Variants in WNT9A observed in about 807,000 individuals in gnomAD.
The protein encoded by WNT9A is Wnt family member 9A, also known as protein Wnt-9a.
Under a neutral mutation model 31.4 loss-of-function variants are expected in WNT9A, and 8 were observed. The observed-to-expected ratio is 0.26, with a 90% CI of 0.15 to 0.46. The LOEUF is 0.46. Among genes scored for constraint, WNT9A ranks in the 20% least tolerant of loss-of-function variants. The probability of loss-of-function intolerance (pLI) is 0.99; values close to 1 mark genes in which losing one functional copy is unlikely to be tolerated. For missense variants in WNT9A, 457 were observed against 522.9 expected (o/e 0.87, Z 1.23); for synonymous variants, 236 against 220.1 (o/e 1.07, Z -0.64).
At position 227,947,817 on chromosome 1, in the gene WNT9A, A is replaced by G. The variant is rs2102734600; in HGVS notation, c.71T>C (p.Leu24Pro). Reference sequence around the variant, plus strand: ...CCCGAAGTAGGCGGCCGAAGGGCGCAGCGCGGCGAGCAGCAGCGTCAGCCC... The same window carrying G: ...CCCGAAGTAGGCGGCCGAAGGGCGCGGCGCGGCGAGCAGCAGCGTCAGCCC... ...AFGLTLLLAA[L>P]RPSAAYFGLT... Residue 24 changes from leucine to proline, a missense_variant, in exon 1 of 4, where the codon CTG (leucine) becomes CCG (proline). Physicochemically the swap from Leu to Pro is moderately conservative, Grantham distance 98. Transcript: ENST00000272164. The G allele has an allele frequency of 9.2e-7, 1 of 1,087,092 alleles. No individual in the cohort carries two copies. 67.3% of individuals were successfully genotyped at this position (1,087,092 alleles called of 1,614,324 possible). A position where few individuals can be genotyped will look rare whatever the true frequency, so the allele number is the denominator to read the frequency against.
intron 3 of WNT9A, 34 bp downstream of exon 3, chr1:227,924,104 T>TG: frequency 2.0e-6 from 1 of 500,902 alleles, no homozygotes; most frequent in Non-Finnish European, 2.7e-6. Flanking sequence ...TTTCTGACCC[T>TG]CCCTTCCCAC....
intron 1 of WNT9A, among the ~76,000 whole-genome samples, chr1:227,929,856 A>C (rs1194946246): frequency 6.6e-6 from 1 of 152,198 alleles, no homozygotes; most frequent in Admixed American, 6.5e-5. Flanking sequence ...CTCTTCTGCC[A>C]TGTGAGGACA....
chr1:227,947,400 G>A (rs996732680), intron 1 of WNT9A, among the ~76,000 whole-genome samples: 1 of 152,166 alleles, frequency 6.6e-6, no homozygotes, highest in African/African-American at 2.4e-5. Context: ...AGAAGAGAAA[G>A]GGGGGGAAGC....
chr1:227,944,526 G>A (rs951778525), intron 1 of WNT9A, among the ~76,000 whole-genome samples: 2 of 152,308 alleles, frequency 1.3e-5, no homozygotes, highest in South Asian at 2.1e-4. Flanking sequence ...CGTGAGTTAC[G>A]GCCAATAACA....
In WNT9A at chr1:227,921,731, C is replaced by T. The variant is rs191187721; in HGVS notation, c.885G>A (p.Ser295=). 1.6e-5 allele frequency: 26 copies of T among 1,612,564 alleles called. No individual in the cohort carries two copies. In the East Asian group the frequency reaches 2.9e-4, roughly 18 times the overall value. ...AGCGGCCAGCCAGGCAGAAGCTAGG[C>T]GAGTCATCCAGGTGCACCAGCTCTG... ...RTPELVHLDD[S]PSFCLAGRFS... Residue 295 remains serine (S), a synonymous_variant, in exon 4 of 4, where the codon TCG becomes TCA. Coordinates refer to ENST00000272164, the MANE Select transcript of WNT9A (RefSeq NM_003395.4).
At chr1:227,937,659 C>T (rs185409709) in intron 1 of WNT9A, among the ~76,000 whole-genome samples, 38 of 152,350 alleles carry the variant, frequency 2.5e-4, no homozygotes, top group African/African-American at 8.2e-4. Context: ...AGGAGCCCCA[C>T]GGTTCGCAGC....
At chr1:227,924,872 G>A (rs576547233) in intron 2 of WNT9A, among the ~76,000 whole-genome samples, 2 of 152,216 alleles carry the variant, frequency 1.3e-5, no homozygotes, top group Non-Finnish European at 2.9e-5. Context: ...TGGGTGGGAG[G>A]GTGGCTGAAA....
In WNT9A at chr1:227,925,322, C is replaced by A. The variant is rs781001833; in HGVS notation, c.293G>T (p.Arg98Leu). 6 of 1,606,432 alleles carry A rather than the reference C, an allele frequency of 3.7e-6. No individual in the cohort carries two copies. The highest frequency in any genetic ancestry group is 5.1e-6 in the Non-Finnish European group (6 of 1,177,774). The stretch of plus-strand genomic sequence containing the variant: ...CAGCGTGCAGTTCCAGCGCTCAAAG[C>A]GGAACTGGAACTGGCACTCGAGCGC... ...MSALECQFQF[R>L]FERWNCTLEG... The change falls in exon 2 of 4, where the codon CGC becomes CTC. Residue 98 changes from arginine to leucine, a missense_variant. Transcript: ENST00000272164. This position sits in a 1 kb window ranked among gnomAD's most constrained non-coding sequence, Gnocchi z 6.0.
intron 1 of WNT9A, among the ~76,000 whole-genome samples, chr1:227,934,677 C>G (rs1572131038): frequency 6.6e-6 from 1 of 152,176 alleles, no homozygotes; most frequent in Non-Finnish European, 1.5e-5. Flanking sequence ...AGTTTCTCTC[C>G]TCTTCTAAAA....
intron 1 of WNT9A, among the ~76,000 whole-genome samples, chr1:227,930,373 T>C (rs1666489177): frequency 6.6e-6 from 1 of 152,154 alleles, no homozygotes; most frequent in Non-Finnish European, 1.5e-5. Flanking sequence ...AGGAAGCACG[T>C]TCTTCCCCAT....
intron 1 of WNT9A, among the ~76,000 whole-genome samples, chr1:227,932,840 T>C (rs1401544463): frequency 6.6e-6 from 1 of 152,206 alleles, no homozygotes; most frequent in Non-Finnish European, 1.5e-5. Flanking sequence ...ACAGTGGGCA[T>C]AAAATATTTA....
chr1:227,945,306 C>G (rs911219919), intron 1 of WNT9A, among the ~76,000 whole-genome samples: 11 of 152,210 alleles, frequency 7.2e-5, no homozygotes, highest in Non-Finnish European at 1.2e-4. Context: ...AGCGAGGAGG[C>G]ACATGGACAT....
chr1:227,943,896 G>A (rs1367296113), intron 1 of WNT9A, among the ~76,000 whole-genome samples: 4 of 152,132 alleles, frequency 2.6e-5, no homozygotes, highest in Non-Finnish European at 5.9e-5. Context: ...GTGGGAGGAC[G>A]GTTGAGCCTC....
intron 1 of WNT9A, among the ~76,000 whole-genome samples, chr1:227,931,403 C>T (rs1402470124): frequency 6.6e-6 from 1 of 152,190 alleles, no homozygotes; most frequent in African/African-American, 2.4e-5. Context: ...GAGTTTGTAT[C>T]AGATGAGAAT....
At chr1:227,944,786 C>T (rs993396958) in intron 1 of WNT9A, among the ~76,000 whole-genome samples, 1 of 152,216 alleles carries the variant, frequency 6.6e-6, no homozygotes, top group Non-Finnish European at 1.5e-5. Flanking sequence ...CATCGTGCCC[C>T]CGCAAAGTAA....
chr1:227,943,849 G>A (rs1666752434), intron 1 of WNT9A, among the ~76,000 whole-genome samples: 1 of 152,168 alleles, frequency 6.6e-6, no homozygotes, highest in African/African-American at 2.4e-5. Flanking sequence ...AGGATTAGTG[G>A]CTTGTGCCTG....
rs1666421304 is a variant in WNT9A at position 227,926,381 on chromosome 1, C to T, written c.96-862G>A. On this transcript the variant is annotated intron_variant, in intron 1 of 3. Coordinates refer to ENST00000272164, the MANE Select transcript of WNT9A (RefSeq NM_003395.4). The surrounding 1 kb of genome is among the most constrained non-coding windows in gnomAD (Gnocchi z 5.0). ...CTCCCCCCAGCTGGCTGCTGGCTCACCTGCTGCTGCTGCTGGGCTCACTTC... is the reference window on the plus strand; with the variant it reads ...CTCCCCCCAGCTGGCTGCTGGCTCATCTGCTGCTGCTGCTGGGCTCACTTC... 6.6e-6 allele frequency among the ~76,000 whole-genome samples: 1 copy of T among 151,914 alleles called. No individual in the cohort carries two copies. The highest frequency in any genetic ancestry group is 2.4e-5 in the African/African-American group (1 of 41,374).
chr1:227,936,662 T>C (rs955329855), intron 1 of WNT9A, among the ~76,000 whole-genome samples: 4 of 151,008 alleles, frequency 2.6e-5, no homozygotes, highest in African/African-American at 7.3e-5. Flanking sequence ...TGGTCTTTGC[T>C]CTGTTCAAGC....
rs775711055 is a variant in WNT9A at position 227,925,406 on chromosome 1, C to T, written c.209G>A (p.Arg70His). The change falls in exon 2 of 4, where the codon CGC becomes CAC. Residue 70 changes from arginine to histidine, a missense_variant. Physicochemically the swap from Arg to His is conservative, Grantham distance 29 (BLOSUM62 0). Transcript: ENST00000272164. This position sits in a 1 kb window ranked among gnomAD's most constrained non-coding sequence, Gnocchi z 6.0. ...DRLKLERKQRRMCRRDPGVAE... is the reference protein window; with the variant it reads ...DRLKLERKQRHMCRRDPGVAE... ...CACGCCCGGGTCCCGGCGGCACATG[C>T]GCCGCTGCTTCCGCTCCAGCTTCAG... 71 of 1,607,982 alleles carry T rather than the reference C, an allele frequency of 4.4e-5. No individual in the cohort carries two copies. The highest frequency in any genetic ancestry group is 9.4e-5 in the African/African-American group (7 of 74,808).
Sources: allele counts gnomAD v4.1 joint callset (sites outside exome capture counted in the v4.1 genomes callset), GRCh38; gene constraint gnomAD v4.1.1; non-coding constraint Gnocchi (gnomAD v3.1); transcripts MANE v1.5; gene names NCBI Gene and HGNC (gene_info 2026-07-23, HGNC 2026-07-21).